Variants in SDK1 observed in about 807,000 individuals in gnomAD.
The protein encoded by SDK1 is protein sidekick-1.
SDK1 carries 157 observed loss-of-function variants against 245.5 expected under a neutral mutation model. The observed-to-expected ratio is 0.64, with a 90% CI of 0.56 to 0.73. The LOEUF is 0.73. Among genes scored for constraint, SDK1 ranks in the 30% least tolerant of loss-of-function variants. SDK1 has a pLI of 0.00. For synonymous variants in SDK1, 1,647 were observed against 1,278.5 expected, an observed-to-expected ratio of 1.29 and a Z score of -6.15; for missense variants, 3,583 against 3,002.3, an observed-to-expected ratio of 1.19 and a Z score of -4.52.
chr7:3,944,668 T>TA (rs1001625649), intron 5 of SDK1, among the ~76,000 whole-genome samples: 10 of 152,106 alleles, frequency 6.6e-5, no homozygotes, highest in Non-Finnish European at 1.3e-4. Flanking sequence ...TCATGGCAGG[T>TA]AAAAAATGTC....
rs1779422620 is a variant in SDK1 at position 4,139,689 on chromosome 7, GTATGTGTGTGTGTGTA to G, written c.4229-6031_4229-6016del. ...TGTGTGTGTGTATATGTGTGTGTGTGTATGTGTGTGTGTGTATGTGTGTGTGTGTGTATGTGTGTGT... is the reference window on the plus strand; with the variant it reads ...TGTGTGTGTGTATATGTGTGTGTGTGTGTGTGTGTGTGTGTATGTGTGTGT... On this transcript the variant is annotated intron_variant, in intron 28 of 44. Transcript: ENST00000404826. Among the ~76,000 whole-genome samples, 2 of 96,798 alleles carry G rather than the reference GTATGTGTGTGTGTGTA, an allele frequency of 2.1e-5. 1 individual carries two copies. Among genetic ancestry groups the G allele is most frequent in the Non-Finnish European group, 3.9e-5 (2 of 51,478 alleles). The allele number at this position is 96,798 out of a possible 152,430, so 63.5% of individuals were successfully genotyped here.
intron 5 of SDK1, among the ~76,000 whole-genome samples, chr7:3,854,789 C>G (rs1191519204): frequency 6.6e-6 from 1 of 151,790 alleles, no homozygotes; most frequent in Admixed American, 6.6e-5. Context: ...ATAGAAACAA[C>G]AAAAAAGATA....
At chr7:3,883,084 T>C (rs1781246260) in intron 5 of SDK1, among the ~76,000 whole-genome samples, 4 of 152,174 alleles carry the variant, frequency 2.6e-5, no homozygotes, top group Admixed American at 2.6e-4. Context: ...TCAGAGGTTT[T>C]CTACTGGTTT....
At chr7:3,593,998 T>C (rs1780972364) in intron 1 of SDK1, among the ~76,000 whole-genome samples, 1 of 152,222 alleles carries the variant, frequency 6.6e-6, no homozygotes, top group African/African-American at 2.4e-5. Flanking sequence ...AAGTGTGTAA[T>C]TCATGATTTT....
intron 1 of SDK1, among the ~76,000 whole-genome samples, chr7:3,414,638 G>C (rs998573695): frequency 5.9e-5 from 9 of 152,152 alleles, no homozygotes; most frequent in Non-Finnish European, 1.2e-4. Flanking sequence ...GCACAATTGT[G>C]ATTTTTCACA....
At chr7:3,657,213 C>A (rs1250762298) in intron 4 of SDK1, among the ~76,000 whole-genome samples, 1 of 152,148 alleles carries the variant, frequency 6.6e-6, no homozygotes, top group Non-Finnish European at 1.5e-5. Context: ...GGGCTGGGGC[C>A]ATGAGGAGGC....
At chr7:3,650,502 T>C (rs1782979810) in intron 4 of SDK1, among the ~76,000 whole-genome samples, 2 of 152,362 alleles carry the variant, frequency 1.3e-5, no homozygotes, top group South Asian at 2.1e-4. Context: ...TCTGAGATAA[T>C]TGTAGGTTCA....
At chr7:4,192,254 C>G (rs953421349) in intron 35 of SDK1, among the ~76,000 whole-genome samples, 6 of 152,170 alleles carry the variant, frequency 3.9e-5, no homozygotes, top group Non-Finnish European at 2.9e-5. Flanking sequence ...GTGACAGCAT[C>G]TTTTTTGCAG....
chr7:3,722,140 A>G (rs938011482), intron 4 of SDK1, among the ~76,000 whole-genome samples: 15 of 152,052 alleles, frequency 9.9e-5, no homozygotes, highest in African/African-American at 3.6e-4. Context: ...TTGGACTCCC[A>G]AAGTGCTGGA....
At chr7:4,049,959 A>G (rs1789318917) in intron 18 of SDK1, among the ~76,000 whole-genome samples, 1 of 152,174 alleles carries the variant, frequency 6.6e-6, no homozygotes, top group South Asian at 2.1e-4. Flanking sequence ...AGACACATAG[A>G]CAAATTTCCA....
intron 4 of SDK1, among the ~76,000 whole-genome samples, chr7:3,794,709 C>T (rs1333163551): frequency 6.6e-6 from 1 of 152,150 alleles, no homozygotes; most frequent in East Asian, 1.9e-4. Context: ...ACTTCTCAGA[C>T]CCCGTAATTG....
chr7:4,248,366 A>G (rs1477146425), intron 44 of SDK1, among the ~76,000 whole-genome samples: 1 of 151,966 alleles, frequency 6.6e-6, no homozygotes, highest in Non-Finnish European at 1.5e-5. Flanking sequence ...GTTTACCTAA[A>G]TACAACATAC....
At chr7:3,320,563 A>G (rs1423528219) in intron 1 of SDK1, among the ~76,000 whole-genome samples, 2 of 152,196 alleles carry the variant, frequency 1.3e-5, no homozygotes, top group Non-Finnish European at 2.9e-5. Flanking sequence ...TTCTTTACAC[A>G]TAATCAGAAA....
At chr7:3,457,774 A>C (rs960980624) in intron 1 of SDK1, among the ~76,000 whole-genome samples, 9 of 151,896 alleles carry the variant, frequency 5.9e-5, no homozygotes, top group African/African-American at 1.9e-4. Flanking sequence ...ACCTCACACC[A>C]CCACCTTCTC....
chr7:3,572,640 G>A (rs1780152689), intron 1 of SDK1, among the ~76,000 whole-genome samples: 1 of 151,994 alleles, frequency 6.6e-6, no homozygotes. Context: ...TTTACTCAGT[G>A]AAGATAGGCA....
intron 1 of SDK1, among the ~76,000 whole-genome samples, chr7:3,493,891 G>C (rs1360290544): frequency 1.3e-5 from 2 of 152,184 alleles, no homozygotes; most frequent in African/African-American, 4.8e-5. Context: ...CAGTCTTCCA[G>C]TTTGAATTGG....
At chr7:3,385,163 T>A (rs1320777751) in intron 1 of SDK1, among the ~76,000 whole-genome samples, 1 of 152,194 alleles carries the variant, frequency 6.6e-6, no homozygotes, top group African/African-American at 2.4e-5. Flanking sequence ...ACTCACGTCA[T>A]CTTAGGCAAG....
intron 1 of SDK1, among the ~76,000 whole-genome samples, chr7:3,605,129 GA>G (rs566038077): frequency 3.8e-4 from 40 of 106,560 alleles, no homozygotes; most frequent in African/African-American, 1.4e-3. Context: ...AGCACTTGAG[GA>G]AAAAAAAAAC....
intron 4 of SDK1, among the ~76,000 whole-genome samples, chr7:3,763,979 C>G (rs1780179656): frequency 6.6e-6 from 1 of 152,180 alleles, no homozygotes; most frequent in South Asian, 2.1e-4. Context: ...AAACCTAACC[C>G]TAACCCAAAA....
Sources: gnomAD v4.1 joint callset for allele counts (sites outside exome capture counted in the v4.1 genomes callset) on GRCh38, gnomAD v4.1.1 for gene constraint, MANE v1.5 for transcripts, NCBI Gene and HGNC (gene_info 2026-07-23, HGNC 2026-07-21) for gene names.